Variants in SNX14 observed in about 807,000 individuals in gnomAD.
SNX14 encodes the protein sorting nexin 14.
A neutral mutation model predicts 133.8 loss-of-function variants in SNX14; 93 were observed. The observed-to-expected ratio is 0.70, with a 90% CI of 0.59 to 0.83. The LOEUF (loss-of-function observed/expected upper bound fraction) is 0.83. SNX14 is among the 40% of genes least tolerant of loss of function. The pLI is 0.00. For missense variants in SNX14, 945 were observed against 1,094.9 expected, an observed-to-expected ratio of 0.86 and a Z score of 1.93; for synonymous variants, 368 against 365.6, an observed-to-expected ratio of 1.01 and a Z score of -0.07.
intron 1 of SNX14, among the ~76,000 whole-genome samples, chr6:85,576,138 G>A (rs371209932): frequency 1.4e-4 from 21 of 152,080 alleles, no homozygotes; most frequent in African/African-American, 5.1e-4. Flanking sequence ...ATTTTGCACA[G>A]TTTCTGCTTG....
At chr6:85,593,038 T>C (rs1012452116) in intron 1 of SNX14, among the ~76,000 whole-genome samples, 19 of 152,086 alleles carry the variant, frequency 1.2e-4, no homozygotes, top group African/African-American at 4.3e-4. Context: ...CTAAGGATGT[T>C]GGGACGGGTA....
chr6:85,537,012 A>G, intron 16 of SNX14, 88 bp from the exon 17 acceptor site: 1 of 1,378,654 alleles, frequency 7.3e-7, no homozygotes. Flanking sequence ...AAAAAGAAAA[A>G]CAGTTTTGAA....
At chr6:85,586,176 G>A (rs1233525739) in intron 1 of SNX14, among the ~76,000 whole-genome samples, 3 of 152,072 alleles carry the variant, frequency 2.0e-5, no homozygotes, top group Non-Finnish European at 4.4e-5. Flanking sequence ...GGTGAGGAGG[G>A]ATCTTCCAGA....
chr6:85,511,937 T>C (rs1772976829), intron 26 of SNX14, among the ~76,000 whole-genome samples: 2 of 152,182 alleles, frequency 1.3e-5, no homozygotes, highest in Admixed American at 6.5e-5. Context: ...TGATAAAATA[T>C]GGAGGGAGAG....
intron 23 of SNX14, among the ~76,000 whole-genome samples, chr6:85,514,923 T>G (rs1228002138): frequency 6.6e-6 from 1 of 152,098 alleles, no homozygotes; most frequent in Non-Finnish European, 1.5e-5. Context: ...AAAAGCAAAG[T>G]AACATAAAAA....
chr6:85,556,226 C>T (rs895232499), intron 7 of SNX14, among the ~76,000 whole-genome samples: 2 of 152,062 alleles, frequency 1.3e-5, no homozygotes, highest in South Asian at 2.1e-4. Flanking sequence ...TTTTCCTATA[C>T]GTTCTTCTGA....
intron 21 of SNX14, among the ~76,000 whole-genome samples, chr6:85,521,979 C>T (rs1450540055): frequency 1.3e-5 from 2 of 152,196 alleles, no homozygotes; most frequent in African/African-American, 4.8e-5. Context: ...GTTTTCCCAG[C>T]ACTATTTATT....
intron 1 of SNX14, chr6:85,589,225 CTTTTTTTTT>C (rs34164476): frequency 2.3e-5 from 3 of 131,008 alleles, no homozygotes; most frequent in East Asian, 2.2e-4. Context: ...TCTGGCACCA[CTTTTTTTTT>C]TTTTTTTTTT....
chr6:85,585,301 G>A lies in SNX14; in HGVS notation c.140+8278C>T, dbSNP rs1247879725. ...ACCTAATGTAGATGATGGATTGAGG[G>A]TGCAGCAAACCACCATGGCACATGT... On this transcript the variant is annotated intron_variant, in intron 1 of 28. Transcript: ENST00000314673. Among the ~76,000 whole-genome samples, 4 of 151,932 alleles carry A rather than the reference G, an allele frequency of 2.6e-5. No homozygotes were observed. The East Asian group carries it at 7.7e-4, about 29-fold the overall frequency.
intron 24 of SNX14, 79 bp downstream of exon 24, chr6:85,514,427 G>T: frequency 3.9e-6 from 6 of 1,529,246 alleles, no homozygotes; most frequent in Non-Finnish European, 5.3e-6. Flanking sequence ...TTATGATGGG[G>T]CAATACTCAA....
At chr6:85,537,222 A>G (rs527347009) in intron 16 of SNX14, among the ~76,000 whole-genome samples, 1 of 152,316 alleles carries the variant, frequency 6.6e-6, no homozygotes, top group East Asian at 1.9e-4. Flanking sequence ...AGAATTTTTA[A>G]AAGATGAGAG....
chr6:85,543,625 A>G lies in SNX14; in HGVS notation c.1244T>C (p.Ile415Thr). 6.3e-7 allele frequency: 1 copy of G among 1,584,500 alleles called. No homozygotes were observed. The stretch of plus-strand genomic sequence containing the variant: ...CTTACTTCTTTGAATCTCTTCTACA[A>G]TGAAGGGATCAAATCTAATTTTGTC... Reference protein sequence around the residue: ...SIDKIRFDPFIVEEIQRIAEG... With the variant: ...SIDKIRFDPFTVEEIQRIAEG... The change falls in exon 13 of 29, where the codon ATT becomes ACT. Residue 415 changes from isoleucine (I) to threonine (T), a missense_variant. By Grantham distance (89) the Ile-to-Thr change is moderately conservative. Transcript: ENST00000314673.
At chr6:85,531,365 G>C (rs1432702660) in intron 18 of SNX14, among the ~76,000 whole-genome samples, 1 of 152,182 alleles carries the variant, frequency 6.6e-6, no homozygotes, top group Non-Finnish European at 1.5e-5. Context: ...GCATAGCACA[G>C]AGTAAATACC....
chr6:85,526,928 G>GAGTGGC (rs1778665518), intron 20 of SNX14, among the ~76,000 whole-genome samples: 2 of 152,138 alleles, frequency 1.3e-5, no homozygotes, highest in Non-Finnish European at 2.9e-5. Flanking sequence ...AATTAGCCAG[G>GAGTGGC]AGTGGCAGTG....
intron 1 of SNX14, among the ~76,000 whole-genome samples, chr6:85,587,401 C>T (rs1277418605): frequency 6.6e-6 from 1 of 152,074 alleles, no homozygotes; most frequent in Non-Finnish European, 1.5e-5. Context: ...CATAGCTATA[C>T]TGAAATAAAA....
chr6:85,545,866 C>T (rs951035241), intron 12 of SNX14, among the ~76,000 whole-genome samples: 3 of 152,022 alleles, frequency 2.0e-5, no homozygotes, highest in East Asian at 1.9e-4. Flanking sequence ...GTATTTTTGT[C>T]GAGACAGGGT....
chr6:85,580,475 G>T (rs962130538), intron 1 of SNX14, among the ~76,000 whole-genome samples: 4 of 152,166 alleles, frequency 2.6e-5, no homozygotes, highest in Non-Finnish European at 5.9e-5. Flanking sequence ...AGGTAAAGGG[G>T]ATGTCGTCTT....
chr6:85,562,690 A>G (rs1439648410), intron 6 of SNX14, among the ~76,000 whole-genome samples: 1 of 149,990 alleles, frequency 6.7e-6, no homozygotes, highest in Non-Finnish European at 1.5e-5. Flanking sequence ...CCCAGGTTCA[A>G]GCGATTCTCC....
intron 1 of SNX14, among the ~76,000 whole-genome samples, chr6:85,575,790 G>C (rs992489597): frequency 6.6e-6 from 1 of 152,188 alleles, no homozygotes; most frequent in African/African-American, 2.4e-5. Context: ...CACCAGCAAA[G>C]GAACTTTTGG....
Sources: allele counts gnomAD v4.1 joint callset (sites outside exome capture counted in the v4.1 genomes callset), GRCh38; gene constraint gnomAD v4.1.1; transcripts MANE v1.5; gene names NCBI Gene and HGNC (gene_info 2026-07-23, HGNC 2026-07-21).